Variants in WWOX observed in about 807,000 individuals in gnomAD.
The protein encoded by WWOX is WW domain-containing oxidoreductase.
A neutral mutation model predicts 46.2 loss-of-function variants in WWOX; 69 were observed. The observed-to-expected ratio is 1.49, with a 90% CI of 1.23 to 1.82. The LOEUF (loss-of-function observed/expected upper bound fraction) is 1.82. Ranked by LOEUF, WWOX falls within the 40% of genes most tolerant of loss-of-function variation. WWOX has a pLI of 0.00. For synonymous variants in WWOX, 359 were observed against 202.6 expected (o/e 1.77, Z -6.56); for missense variants, 919 against 542.6 (o/e 1.69, Z -6.89).
chr16:78,904,481 C>G (rs1296360130), intron 8 of WWOX, among the ~76,000 whole-genome samples: 3 of 151,978 alleles, frequency 2.0e-5, no homozygotes, highest in Non-Finnish European at 4.4e-5. Context: ...TTGTGATCTG[C>G]CTGCCCCAGC....
At chr16:78,791,313 T>C (rs2050593249) in intron 8 of WWOX, among the ~76,000 whole-genome samples, 1 of 152,068 alleles carries the variant, frequency 6.6e-6, no homozygotes, top group African/African-American at 2.4e-5. Context: ...CTGGGTGTTG[T>C]GGATCTGGAC....
At chr16:79,159,047 A>C (rs919989490) in intron 8 of WWOX, among the ~76,000 whole-genome samples, 4 of 152,246 alleles carry the variant, frequency 2.6e-5, no homozygotes, top group Non-Finnish European at 4.4e-5. Context: ...AAAATTACGA[A>C]AGAAATAGTG....
At chr16:78,520,481 T>A (rs933356711) in intron 8 of WWOX, among the ~76,000 whole-genome samples, 1 of 152,172 alleles carries the variant, frequency 6.6e-6, no homozygotes, top group East Asian at 1.9e-4. Flanking sequence ...TATTAGAAAG[T>A]AACTAGCCTG....
At chr16:78,347,070 T>G (rs2081105813) in intron 5 of WWOX, among the ~76,000 whole-genome samples, 1 of 118,546 alleles carries the variant, frequency 8.4e-6, no homozygotes, top group African/African-American at 2.9e-5. Flanking sequence ...GGTAATAGGT[T>G]TATTGAGATA....
At chr16:78,655,106 A>G (rs1458206946) in intron 8 of WWOX, among the ~76,000 whole-genome samples, 1 of 151,806 alleles carries the variant, frequency 6.6e-6, no homozygotes, top group Non-Finnish European at 1.5e-5. Context: ...TATCAACCGT[A>G]TTTTACAGTT....
At chr16:78,477,137 C>G (rs1216613742) in intron 8 of WWOX, among the ~76,000 whole-genome samples, 1 of 152,184 alleles carries the variant, frequency 6.6e-6, no homozygotes, top group Non-Finnish European at 1.5e-5. Flanking sequence ...CATAGCACGT[C>G]TTACAATCTA....
chr16:78,592,151 A>G (rs1234128198), intron 8 of WWOX, among the ~76,000 whole-genome samples: 1 of 152,218 alleles, frequency 6.6e-6, no homozygotes, highest in Non-Finnish European at 1.5e-5. Context: ...AATAAAGAAC[A>G]GCATGGTACA....
intron 6 of WWOX, among the ~76,000 whole-genome samples, chr16:78,392,012 TAAAA>T (rs1306227770): frequency 3.3e-5 from 5 of 151,104 alleles, no homozygotes; most frequent in Non-Finnish European, 5.9e-5. Flanking sequence ...TTTTTTTCCT[TAAAA>T]AAATTTCTTT....
At chr16:78,623,515 A>C (rs901592791) in intron 8 of WWOX, among the ~76,000 whole-genome samples, 2 of 152,120 alleles carry the variant, frequency 1.3e-5, no homozygotes, top group Non-Finnish European at 2.9e-5. Flanking sequence ...CCCCATCTCT[A>C]CTAAAAATAC....
rs146059833 is a variant in WWOX, at chr16:78,797,899, G to A, written c.1056+365147G>A. Among the ~76,000 whole-genome samples the A allele has an allele frequency of 3.3e-4, 51 of 152,308 alleles. No homozygotes were observed. In the East Asian group the frequency reaches 9.7e-3, roughly 29 times the overall value. Reference sequence around the variant, plus strand: ...GCTACTCAAGAGGCTGACATGGGAGGATTGATTGAGCCCAAGAGGTCAAGA... The same window carrying A: ...GCTACTCAAGAGGCTGACATGGGAGAATTGATTGAGCCCAAGAGGTCAAGA... On this transcript the variant is annotated intron_variant, in intron 8 of 8. Coordinates refer to ENST00000566780, the MANE Select transcript of WWOX (RefSeq NM_016373.4).
chr16:78,959,106 C>T (rs941848894), intron 8 of WWOX, among the ~76,000 whole-genome samples: 2 of 152,112 alleles, frequency 1.3e-5, no homozygotes, highest in Non-Finnish European at 2.9e-5. Flanking sequence ...GACCATCTTC[C>T]AATTAGAATG....
intron 8 of WWOX, among the ~76,000 whole-genome samples, chr16:79,059,635 T>C (rs139992542): frequency 2.0e-5 from 3 of 152,276 alleles, no homozygotes; most frequent in African/African-American, 7.2e-5. Flanking sequence ...GCTGGGATTA[T>C]AGGCGCATGC....
At chr16:78,964,044 C>A (rs1003375698) in intron 8 of WWOX, among the ~76,000 whole-genome samples, 1 of 152,202 alleles carries the variant, frequency 6.6e-6, no homozygotes, top group African/African-American at 2.4e-5. Context: ...CCATGTAGAA[C>A]TGTAAGCCTG....
intron 5 of WWOX, among the ~76,000 whole-genome samples, chr16:78,299,847 C>A (rs1469853277): frequency 6.6e-6 from 1 of 151,996 alleles, no homozygotes; most frequent in Non-Finnish European, 1.5e-5. Context: ...TATTTCTTGT[C>A]AAGCAGGACA....
At position 78,785,693 on chromosome 16, in the gene WWOX, G is replaced by C. The variant is rs1188424401; in HGVS notation, c.1056+352941G>C. On this transcript the variant is annotated intron_variant, in intron 8 of 8. Transcript: ENST00000566780. ...TTGCAGTATAAAATTGCAGTATGTAGCTGTGACATGAATATTGGTTGATAT... is the reference window on the plus strand; with the variant it reads ...TTGCAGTATAAAATTGCAGTATGTACCTGTGACATGAATATTGGTTGATAT... Among the ~76,000 whole-genome samples the C allele has an allele frequency of 2.0e-5, 3 of 152,160 alleles. No homozygotes were observed. In the East Asian group the frequency reaches 5.8e-4, roughly 29 times the overall value.
Position 78,979,684 on chromosome 16 carries a change from C to T in WWOX, c.1057-231924C>T, listed in dbSNP as rs369350690. ...AATGATCAGTACCCATCTCTCAGAG[C>T]CTGTGTAGCCGTCCATGCTTGAGGC... On this transcript the variant is annotated intron_variant, in intron 8 of 8. Transcript: ENST00000566780. Among the ~76,000 whole-genome samples the T allele has an allele frequency of 5.5e-4, 83 of 152,238 alleles. No individual in the cohort carries two copies. In the South Asian group the frequency reaches 0.017, roughly 30 times the overall value.
rs552549905 is a variant in WWOX, at chr16:78,107,511, G to T, written c.108-912G>T. Among the ~76,000 whole-genome samples the T allele has an allele frequency of 3.3e-5, 5 of 152,274 alleles. No individual in the cohort carries two copies. The South Asian group carries it at 8.3e-4, about 25-fold the overall frequency. ...CCAGTGCTAGGATTATTTCCATTTT[G>T]CAGATGAGGGGATGGAGATTAAGGA... On this transcript the variant is annotated intron_variant, in intron 1 of 8. Coordinates refer to ENST00000566780, the MANE Select transcript of WWOX (RefSeq NM_016373.4).
chr16:78,804,505 C>T (rs1304793020), intron 8 of WWOX, among the ~76,000 whole-genome samples: 1 of 152,104 alleles, frequency 6.6e-6, no homozygotes, highest in Non-Finnish European at 1.5e-5. Context: ...AGCGCACATG[C>T]GAAGCGCATA....
chr16:78,747,163 A>G (rs895616280), intron 8 of WWOX, among the ~76,000 whole-genome samples: 2 of 150,990 alleles, frequency 1.3e-5, no homozygotes, highest in Non-Finnish European at 2.9e-5. Context: ...TTGCCTGGGA[A>G]GAGTGGTGGG....
Sources: gnomAD v4.1 joint callset for allele counts (sites outside exome capture counted in the v4.1 genomes callset) on GRCh38, gnomAD v4.1.1 for gene constraint, MANE v1.5 for transcripts, NCBI Gene and HGNC (gene_info 2026-07-23, HGNC 2026-07-21) for gene names.